Variants in MAPKAP1 observed in about 807,000 individuals in gnomAD.
MAPKAP1 encodes MAPK associated protein 1, also known as target of rapamycin complex 2 subunit MAPKAP1.
In MAPKAP1, 20 loss-of-function variants were observed where a neutral mutation model predicts 65.7. The ratio of observed to expected loss-of-function variants is 0.30; its 90% CI spans 0.21 to 0.44. The LOEUF (loss-of-function observed/expected upper bound fraction) is 0.44, where lower values mean the gene tolerates loss of function less well. Ranked by LOEUF, MAPKAP1 falls within the 20% of genes least tolerant of loss-of-function variation. The pLI is 1.00. For missense variants in MAPKAP1, 423 were observed against 648.0 expected (o/e 0.65, Z 3.77); for synonymous variants, 222 against 244.3 (o/e 0.91, Z 0.85).
chr9:125,602,176 C>G (rs1334197950), intron 4 of MAPKAP1, among the ~76,000 whole-genome samples: 2 of 152,124 alleles, frequency 1.3e-5, no homozygotes, highest in African/African-American at 2.4e-5. Flanking sequence ...TCACTGGAGT[C>G]TGGGAGGTTG....
intron 6 of MAPKAP1, among the ~76,000 whole-genome samples, chr9:125,557,789 T>C (rs1003078062): frequency 5.3e-5 from 8 of 152,172 alleles, no homozygotes; most frequent in Non-Finnish European, 1.2e-4. Context: ...ATGAGGGTAG[T>C]GCTGTCTCTG....
chr9:125,693,743 A>G (rs1185328136), intron 1 of MAPKAP1, among the ~76,000 whole-genome samples: 4 of 130,368 alleles, frequency 3.1e-5, no homozygotes, highest in Admixed American at 8.0e-5. Context: ...ATATACACGT[A>G]TATATACACA....
chr9:125,701,376 T>C (rs1350948839), intron 1 of MAPKAP1, among the ~76,000 whole-genome samples: 1 of 152,202 alleles, frequency 6.6e-6, no homozygotes, highest in Non-Finnish European at 1.5e-5. Flanking sequence ...ATTTTACTCC[T>C]CATTATTTAT....
intron 6 of MAPKAP1, among the ~76,000 whole-genome samples, chr9:125,558,887 T>C (rs1369152093): frequency 1.3e-5 from 2 of 152,370 alleles, no homozygotes; most frequent in Middle Eastern, 3.4e-3. Context: ...AGAATCACAG[T>C]GCCAGTGACT....
At chr9:125,615,466 G>T (rs1270142566) in intron 4 of MAPKAP1, among the ~76,000 whole-genome samples, 1 of 151,132 alleles carries the variant, frequency 6.6e-6, no homozygotes, top group Non-Finnish European at 1.5e-5. Flanking sequence ...GCCGAGGTGG[G>T]TGGATCACCT....
At chr9:125,515,724 A>C (rs749234441) in intron 7 of MAPKAP1, among the ~76,000 whole-genome samples, 5 of 152,256 alleles carry the variant, frequency 3.3e-5, no homozygotes, top group Admixed American at 6.5e-5. Context: ...TTTTGCCCCC[A>C]TTAACTTTCA....
intron 8 of MAPKAP1, among the ~76,000 whole-genome samples, chr9:125,503,439 T>C (rs1829042465): frequency 6.6e-6 from 1 of 152,228 alleles, no homozygotes; most frequent in Admixed American, 6.5e-5. Context: ...TTCCCAGACA[T>C]GGCCATTGAT....
chr9:125,687,403 A>G (rs1032010396), intron 1 of MAPKAP1, among the ~76,000 whole-genome samples: 7 of 152,146 alleles, frequency 4.6e-5, no homozygotes, highest in African/African-American at 1.7e-4. Flanking sequence ...TAGGAGAGTC[A>G]GTGCTTCCGA....
At chr9:125,499,226 A>C (rs1381033010) in intron 8 of MAPKAP1, among the ~76,000 whole-genome samples, 1 of 152,208 alleles carries the variant, frequency 6.6e-6, no homozygotes. Flanking sequence ...CAATGGCTTT[A>C]AGGATAGGGA....
intron 7 of MAPKAP1, among the ~76,000 whole-genome samples, chr9:125,536,205 C>T (rs1171454386): frequency 6.6e-6 from 1 of 152,106 alleles, no homozygotes; most frequent in Non-Finnish European, 1.5e-5. Flanking sequence ...GACTGCAATG[C>T]CACTATCTTC....
At chr9:125,528,968 C>T (rs976239364) in intron 7 of MAPKAP1, among the ~76,000 whole-genome samples, 1 of 151,616 alleles carries the variant, frequency 6.6e-6, no homozygotes, top group Non-Finnish European at 1.5e-5. Flanking sequence ...AGTTCGAGAC[C>T]GGCCTGGCCA....
intron 10 of MAPKAP1, among the ~76,000 whole-genome samples, chr9:125,464,759 T>A (rs1853618310): frequency 6.6e-6 from 1 of 152,178 alleles, no homozygotes; most frequent in South Asian, 2.1e-4. Context: ...GCAGTATGTG[T>A]AATTATGTAT....
intron 1 of MAPKAP1, among the ~76,000 whole-genome samples, chr9:125,677,752 T>A (rs1053885940): frequency 5.9e-5 from 9 of 152,126 alleles, no homozygotes; most frequent in African/African-American, 2.2e-4. Context: ...AGGCCACAGA[T>A]AAATAATATC....
chr9:125,567,353 C>T (rs1831088852), intron 5 of MAPKAP1, among the ~76,000 whole-genome samples: 1 of 152,132 alleles, frequency 6.6e-6, no homozygotes, highest in Admixed American at 6.5e-5. Context: ...TAAAAGGTTG[C>T]AGTAATGGAG....
chr9:125,689,751 AAAG>A (rs386416220), intron 1 of MAPKAP1, among the ~76,000 whole-genome samples: 115 of 149,364 alleles, frequency 7.7e-4, no homozygotes, highest in Non-Finnish European at 1.2e-3. Context: ...AAAAAAAAAA[AAAG>A]AAGAAGAAGA....
chr9:125,600,675 A>G (rs1261299747), intron 4 of MAPKAP1, among the ~76,000 whole-genome samples: 2 of 152,220 alleles, frequency 1.3e-5, no homozygotes, highest in Non-Finnish European at 2.9e-5. Flanking sequence ...TCTCTATCTT[A>G]ATTATTTTGA....
At chr9:125,505,139 A>T (rs1241330611) in intron 8 of MAPKAP1, among the ~76,000 whole-genome samples, 2 of 152,194 alleles carry the variant, frequency 1.3e-5, no homozygotes, top group African/African-American at 4.8e-5. Context: ...CTTGAGACCA[A>T]GAGTTTGAAC....
intron 4 of MAPKAP1, among the ~76,000 whole-genome samples, chr9:125,654,003 CAA>C (rs1298043755): frequency 6.6e-6 from 1 of 152,116 alleles, no homozygotes; most frequent in Non-Finnish European, 1.5e-5. Flanking sequence ...AATGTACTAG[CAA>C]AAGAGTCTCA....
At chr9:125,558,045 C>T (rs915496268) in intron 6 of MAPKAP1, among the ~76,000 whole-genome samples, 8 of 152,046 alleles carry the variant, frequency 5.3e-5, no homozygotes, top group African/African-American at 7.2e-5. Context: ...TTAGTAGAGA[C>T]GGGGTTTCAC....
Sources: allele counts gnomAD v4.1 joint callset (sites outside exome capture counted in the v4.1 genomes callset), GRCh38; gene constraint gnomAD v4.1.1; transcripts MANE v1.5; gene names NCBI Gene and HGNC (gene_info 2026-07-23, HGNC 2026-07-21).